SPATA1: variants seen among roughly 807,000 people sequenced by gnomAD.
The protein encoded by SPATA1 is spermatogenesis-associated protein 1.
A neutral mutation model predicts 59.6 loss-of-function variants in SPATA1; 57 were observed. The ratio of observed to expected loss-of-function variants is 0.96; its 90% confidence interval spans 0.77 to 1.19. SPATA1 has a LOEUF of 1.19. Ranked by LOEUF, SPATA1 falls within the 50% of genes most tolerant of loss-of-function variation. The pLI, the probability that SPATA1 is intolerant of heterozygous loss-of-function variation, is 0.00. For synonymous variants in SPATA1, 147 were observed against 163.9 expected (o/e 0.90, Z 0.79); for missense variants, 448 against 480.7 (o/e 0.93, Z 0.64).
intron 4 of SPATA1, among the ~76,000 whole-genome samples, chr1:84,561,189 G>A (rs1684588686): frequency 6.6e-6 from 1 of 152,302 alleles, no homozygotes; most frequent in South Asian, 2.1e-4. Flanking sequence ...TGCATGGGAG[G>A]AGGTCAAAAT....
intron 4 of SPATA1, among the ~76,000 whole-genome samples, chr1:84,562,911 A>G (rs1051203170): frequency 6.6e-6 from 1 of 152,180 alleles, no homozygotes; most frequent in Non-Finnish European, 1.5e-5. Context: ...GCTTTCAGAG[A>G]TAGTAACTTA....
intron 8 of SPATA1, among the ~76,000 whole-genome samples, chr1:84,536,680 G>A (rs925474993): frequency 5.9e-5 from 9 of 152,086 alleles, no homozygotes; most frequent in African/African-American, 1.9e-4. Flanking sequence ...TCCTGACCTC[G>A]TGATCCGCCC....
chr1:84,561,321 T>A (rs1398096477), intron 4 of SPATA1, among the ~76,000 whole-genome samples: 1 of 152,198 alleles, frequency 6.6e-6, no homozygotes, highest in South Asian at 2.1e-4. Context: ...AGAATTAGAA[T>A]TGGAGGTGAA....
intron 1 of SPATA1, among the ~76,000 whole-genome samples, chr1:84,511,228 A>G (rs1174495678): frequency 6.6e-6 from 1 of 152,230 alleles, no homozygotes; most frequent in African/African-American, 2.4e-5. Context: ...CTTTTCACAC[A>G]TTGTATGCCT....
At chr1:84,524,878 C>G (rs1294948873) in intron 4 of SPATA1, among the ~76,000 whole-genome samples, 1 of 152,074 alleles carries the variant, frequency 6.6e-6, no homozygotes, top group Non-Finnish European at 1.5e-5. Context: ...TAGAATATAA[C>G]CTCCATGAAA....
intron 4 of SPATA1, among the ~76,000 whole-genome samples, chr1:84,561,393 C>A (rs1684591565): frequency 6.6e-6 from 1 of 152,196 alleles, no homozygotes; most frequent in South Asian, 2.1e-4. Flanking sequence ...TGAGGAGCTA[C>A]TTCTTATGAA....
intron 12 of SPATA1, chr1:84,551,670 C>T (rs1323979721): frequency 6.6e-6 from 1 of 152,040 alleles, no homozygotes; most frequent in Non-Finnish European, 1.5e-5. Flanking sequence ...TGGTTTGGCA[C>T]TGAGAAGCTT....
chr1:84,563,225 A>G, intron 4 of SPATA1: 1 of 1,343,588 alleles, frequency 7.4e-7, no homozygotes. Flanking sequence ...AAACTAATAG[A>G]ATAAATGCTC....
intron 1 of SPATA1, among the ~76,000 whole-genome samples, chr1:84,511,675 CTTTCTTTTTTT>C (rs1682561623): frequency 2.8e-5 from 2 of 71,028 alleles, no homozygotes; most frequent in African/African-American, 1.3e-4. Context: ...TTTTTTCTTT[CTTTCTTTTTTT>C]TTTTTTTTTT....
chr1:84,514,403 T>A (rs1377511219), intron 1 of SPATA1, among the ~76,000 whole-genome samples: 2 of 152,224 alleles, frequency 1.3e-5, no homozygotes, highest in African/African-American at 4.8e-5. Context: ...TTTGGGATAA[T>A]CTGAAATGTT....
At chr1:84,542,034 AT>A (rs1162026809) in intron 8 of SPATA1, among the ~76,000 whole-genome samples, 2 of 152,034 alleles carry the variant, frequency 1.3e-5, no homozygotes, top group Non-Finnish European at 2.9e-5. Context: ...CAATGGCACG[AT>A]CTCAGCTCCC....
intron 3 of SPATA1, among the ~76,000 whole-genome samples, chr1:84,521,659 G>T (rs1426102388): frequency 6.6e-6 from 1 of 151,604 alleles, no homozygotes; most frequent in Non-Finnish European, 1.5e-5. Context: ...GTGGTACTTA[G>T]TAGTGTCTTA....
At chr1:84,511,338 C>T (rs1558565672) in intron 1 of SPATA1, among the ~76,000 whole-genome samples, 1 of 152,188 alleles carries the variant, frequency 6.6e-6, no homozygotes, top group East Asian at 1.9e-4. Context: ...CCTTTTCCAA[C>T]ATAGATTCTG....
intron 12 of SPATA1, chr1:84,551,924 A>G (rs1201858036): frequency 6.6e-6 from 1 of 152,126 alleles, no homozygotes; most frequent in Non-Finnish European, 1.5e-5. Flanking sequence ...CATGCACATT[A>G]CTTGTAATCT....
chr1:84,556,181 T>C (rs1684423595), downstream of SPATA1, among the ~76,000 whole-genome samples: 1 of 151,802 alleles, frequency 6.6e-6, no homozygotes, highest in Non-Finnish European at 1.5e-5. Context: ...ACTAACACAG[T>C]CTCTCTCAGG....
downstream of SPATA1, among the ~76,000 whole-genome samples, chr1:84,566,541 G>A (rs536395352): frequency 1.3e-5 from 2 of 152,184 alleles, no homozygotes; most frequent in African/African-American, 2.4e-5. Context: ...GGTGTCTTAC[G>A]GCCTACAGGT....
chr1:84,563,863 G>A (rs369911180), intron 4 of SPATA1: 2 of 1,590,428 alleles, frequency 1.3e-6, no homozygotes, highest in East Asian at 2.3e-5. Context: ...AAGCATATTT[G>A]TTTCTCTTCA....
intron 10 of SPATA1, among the ~76,000 whole-genome samples, chr1:84,546,900 CTGA>C (rs1237793718): frequency 6.6e-6 from 1 of 152,150 alleles, no homozygotes; most frequent in Non-Finnish European, 1.5e-5. Flanking sequence ...GACTGGTGGA[CTGA>C]TGAGGCAGGA....
At chr1:84,552,271 A>G (rs556787384) in intron 12 of SPATA1, 3 of 152,296 alleles carry the variant, frequency 2.0e-5, no homozygotes, top group South Asian at 2.1e-4. Context: ...AAAGTTTAAT[A>G]TATCATCTGA....
Sources: gnomAD v4.1 joint callset for allele counts (sites outside exome capture counted in the v4.1 genomes callset) on GRCh38, gnomAD v4.1.1 for gene constraint, MANE v1.5 for transcripts, NCBI Gene and HGNC (gene_info 2026-07-23, HGNC 2026-07-21) for gene names.